The following TFB2M variants were observed in gnomAD, a reference collection of about 807,000 sequenced individuals.
The protein encoded by TFB2M is dimethyladenosine transferase 2, mitochondrial.
In TFB2M, 44 loss-of-function variants were observed where a neutral mutation model predicts 41.3. The observed-to-expected ratio is 1.07, with a 90% CI of 0.84 to 1.37. TFB2M has a LOEUF of 1.37. Ranked by LOEUF, TFB2M falls within the 40% of genes most tolerant of loss-of-function variation. The pLI is 0.00. For missense variants in TFB2M, 496 were observed against 490.2 expected, an observed-to-expected ratio of 1.01 and a Z score of -0.11; for synonymous variants, 188 against 176.8, an observed-to-expected ratio of 1.06 and a Z score of -0.50.
At chr1:246,542,400 C>T (rs1007703303) in intron 7 of TFB2M, among the ~76,000 whole-genome samples, 10 of 151,976 alleles carry the variant, frequency 6.6e-5, no homozygotes, top group Admixed American at 2.0e-4. Context: ...GGGCTGGGTG[C>T]GGTGGCTCCT....
In TFB2M at chr1:246,540,893, T is replaced by C. The variant is rs1658833910; in HGVS notation, c.*138A>G. 7 of 716,058 alleles carry C rather than the reference T, an allele frequency of 9.8e-6. No individual in the cohort carries two copies. The South Asian group carries it at 1.3e-4, about 13-fold the overall frequency. 44.4% of individuals were successfully genotyped at this position (716,058 alleles called of 1,614,324 possible). On this transcript the variant is annotated 3_prime_UTR_variant, in exon 8 of 8. Coordinates refer to ENST00000366514, the MANE Select transcript of TFB2M (RefSeq NM_022366.3). Reference sequence around the variant, plus strand: ...ATCCAATAAGCCAATGATATCAGCTTAGGAGAAATGATCTGCCTGGCTTGT... The same window carrying C: ...ATCCAATAAGCCAATGATATCAGCTCAGGAGAAATGATCTGCCTGGCTTGT...
intron 7 of TFB2M, among the ~76,000 whole-genome samples, chr1:246,541,810 T>C (rs1482992893): frequency 6.6e-6 from 1 of 152,260 alleles, no homozygotes; most frequent in African/African-American, 2.4e-5. Flanking sequence ...CAGAAGTTGC[T>C]GTTTGGCAGT....
intron 5 of TFB2M, among the ~76,000 whole-genome samples, chr1:246,550,286 A>G (rs1659137667): frequency 6.6e-6 from 1 of 152,206 alleles, no homozygotes; most frequent in Admixed American, 6.5e-5. Context: ...TGAGAGTACA[A>G]TATACAGTGC....
chr1:246,551,703 A>C (rs199501761), intron 4 of TFB2M, among the ~76,000 whole-genome samples: 1 of 150,748 alleles, frequency 6.6e-6, no homozygotes, highest in East Asian at 1.9e-4. Context: ...AAAAACAACA[A>C]CACACAAGTG....
At chr1:246,549,245 GTATC>G (rs781321456) in intron 5 of TFB2M, among the ~76,000 whole-genome samples, 4 of 151,848 alleles carry the variant, frequency 2.6e-5, no homozygotes, top group Admixed American at 2.0e-4. Context: ...CTATTTTTCG[GTATC>G]TATCTTTTGT....
chr1:246,541,196 C>A lies in TFB2M; in HGVS notation c.1026G>T (p.Leu342Phe), dbSNP rs1658845364. The change falls in exon 8 of 8, where the codon TTG becomes TTT. Residue 342 changes from leucine to phenylalanine, a missense_variant. Leu to Phe is a conservative substitution (Grantham distance 22, BLOSUM62 0). Coordinates refer to ENST00000366514, the MANE Select transcript of TFB2M (RefSeq NM_022366.3). ...SATVIDHLRSLTPLDARDILM... is the reference protein window; with the variant it reads ...SATVIDHLRSFTPLDARDILM... Reference sequence around the variant, plus strand: ...ATATATCTCTCGCATCAAGTGGAGTCAATGAACTGCAAAAGAAATACAAAG... The same window carrying A: ...ATATATCTCTCGCATCAAGTGGAGTAAATGAACTGCAAAAGAAATACAAAG... 1 of 1,613,036 alleles carries A rather than the reference C, an allele frequency of 6.2e-7. No homozygotes were observed. The highest frequency in any genetic ancestry group is 8.5e-7 in the Non-Finnish European group (1 of 1,179,574).
chr1:246,545,136 C>T (rs1201403761), intron 6 of TFB2M, among the ~76,000 whole-genome samples: 1 of 152,062 alleles, frequency 6.6e-6, no homozygotes, highest in Non-Finnish European at 1.5e-5. Flanking sequence ...ACCAAGAACA[C>T]AAAGCCCTAA....
At chr1:246,547,683 C>A (rs1234364505) in intron 6 of TFB2M, among the ~76,000 whole-genome samples, 1 of 150,400 alleles carries the variant, frequency 6.6e-6, no homozygotes. Flanking sequence ...TTTTTTTAAG[C>A]CCCAAACCTT....
At position 246,540,720 on chromosome 1, in the gene TFB2M, C is replaced by A; in HGVS notation, c.*311G>T. The A allele has an allele frequency of 4.0e-6, 1 of 249,050 alleles. No homozygotes were observed. 15.4% of individuals were successfully genotyped at this position (249,050 alleles called of 1,614,324 possible). A position where few individuals can be genotyped will look rare whatever the true frequency, so the allele number is the denominator to read the frequency against. On this transcript the variant is annotated 3_prime_UTR_variant, in exon 8 of 8. Transcript: ENST00000366514. ...AAGCTTAATAATGTACAGACTCTTG[C>A]TCTTCAAGAAGATGCAAAAATCAGC...
intron 7 of TFB2M, among the ~76,000 whole-genome samples, chr1:246,543,533 T>C (rs1367259737): frequency 6.6e-6 from 1 of 151,826 alleles, no homozygotes; most frequent in East Asian, 1.9e-4. Flanking sequence ...CTTACAGAAG[T>C]GTGGGCATCA....
rs981763920 is a variant in TFB2M at position 246,557,260 on chromosome 1, G to A, written c.556+121C>T. 6.9e-6 allele frequency: 8 copies of A among 1,160,854 alleles called. No individual in the cohort carries two copies. The African/African-American group carries it at 1.3e-4, about 18-fold the overall frequency. 71.9% of individuals were successfully genotyped at this position (1,160,854 alleles called of 1,614,324 possible). A position where few individuals can be genotyped will look rare whatever the true frequency, so the allele number is the denominator to read the frequency against. On this transcript the variant is annotated intron_variant, in intron 3 of 7. Coordinates refer to ENST00000366514, the MANE Select transcript of TFB2M (RefSeq NM_022366.3). ...TGCACTCCAGCCTGGGTGACAGAGT[G>A]AGACTCCATCTCAGAAAACAAACAA...
chr1:246,551,977 G>A (rs1290915416), intron 4 of TFB2M, among the ~76,000 whole-genome samples: 2 of 152,192 alleles, frequency 1.3e-5, no homozygotes, highest in African/African-American at 4.8e-5. Flanking sequence ...GTCTGGGGGA[G>A]CAAATCATCC....
intron 5 of TFB2M, among the ~76,000 whole-genome samples, chr1:246,549,050 TGTC>T (rs1249897484): frequency 6.6e-6 from 1 of 152,178 alleles, no homozygotes; most frequent in African/African-American, 2.4e-5. Context: ...AAGATACTAG[TGTC>T]GACCAGGTGC....
chr1:246,556,256 A>C (rs1659318124), intron 4 of TFB2M, among the ~76,000 whole-genome samples: 1 of 152,374 alleles, frequency 6.6e-6, no homozygotes. Flanking sequence ...ATAGAGACAG[A>C]AAGTAGAATA....
At position 246,554,478 on chromosome 1, in the gene TFB2M, C is replaced by A. The variant is rs1036280675; in HGVS notation, c.705+2095G>T. On this transcript the variant is annotated intron_variant, in intron 4 of 7. Coordinates refer to ENST00000366514, the MANE Select transcript of TFB2M (RefSeq NM_022366.3). ...CAGCCGCCTTAGATTCTCATAGGAA[C>A]ACAATCCCTATTGCGCATGCGAAGG... 2.0e-5 allele frequency among the ~76,000 whole-genome samples: 3 copies of A among 149,102 alleles called. No homozygotes were observed. The South Asian group carries it at 6.6e-4, about 33-fold the overall frequency.
rs981954487 is a variant in TFB2M at position 246,544,957 on chromosome 1, C to G, written c.859-276G>C. On this transcript the variant is annotated intron_variant, in intron 6 of 7. Transcript: ENST00000366514. ...AGTAGCTGGGACTACAGGCGCCCAC[C>G]ACCACGCCTGGCTAATTTTTTGTAT... Among the ~76,000 whole-genome samples, 9 of 152,080 alleles carry G rather than the reference C, an allele frequency of 5.9e-5. 1 individual carries two copies. Among genetic ancestry groups the G allele is most frequent in the Admixed American group, 2.6e-4 (4 of 15,272 alleles).
chr1:246,552,710 C>A (rs1558511824), intron 4 of TFB2M, among the ~76,000 whole-genome samples: 2 of 151,738 alleles, frequency 1.3e-5, no homozygotes, highest in African/African-American at 4.8e-5. Flanking sequence ...AAAAAAATTT[C>A]TTTTAATGTT....
At chr1:246,559,984 A>C (rs1312243420) in intron 2 of TFB2M, among the ~76,000 whole-genome samples, 2 of 152,244 alleles carry the variant, frequency 1.3e-5, no homozygotes. Flanking sequence ...ACGCATGGCA[A>C]GGCTGTCTAA....
At chr1:246,558,895 T>C (rs967383354) in intron 2 of TFB2M, among the ~76,000 whole-genome samples, 2 of 145,574 alleles carry the variant, frequency 1.4e-5, no homozygotes, top group Admixed American at 7.1e-5. Flanking sequence ...GAATCAGTTA[T>C]AGACTCCATA....
Sources: gnomAD v4.1 joint callset for allele counts (sites outside exome capture counted in the v4.1 genomes callset) on GRCh38, gnomAD v4.1.1 for gene constraint, MANE v1.5 for transcripts, NCBI Gene and HGNC (gene_info 2026-07-23, HGNC 2026-07-21) for gene names.